PCDHGA6: variants seen among roughly 807,000 people sequenced by gnomAD.
PCDHGA6 encodes protocadherin gamma-A6.
A neutral mutation model predicts 60.6 loss-of-function variants in PCDHGA6; 41 were observed. The ratio of observed to expected loss-of-function variants is 0.68; its 90% CI spans 0.53 to 0.88. The LOEUF is 0.88. Ranked by LOEUF, PCDHGA6 falls within the 40% of genes least tolerant of loss-of-function variation. PCDHGA6 has a pLI of 0.00. For synonymous variants in PCDHGA6, 594 were observed against 524.4 expected, an observed-to-expected ratio of 1.13 and a Z score of -1.81; for missense variants, 1,312 against 1,203.0, an observed-to-expected ratio of 1.09 and a Z score of -1.34.
At position 141,390,019 on chromosome 5, in the gene PCDHGA6, G is replaced by A. The variant is rs1047341984; in HGVS notation, c.2424+13512G>A. The A allele has an allele frequency of 1.9e-6, 3 of 1,614,002 alleles. No individual in the cohort carries two copies. Among genetic ancestry groups the A allele is most frequent in the Non-Finnish European group, 2.5e-6 (3 of 1,179,896 alleles). Reference sequence around the variant, plus strand: ...GCCATGATTCTGGCCATTGCCTTGCGCCTGCGACGCTCCTCCAGCCCCGCC... The same window carrying A: ...GCCATGATTCTGGCCATTGCCTTGCACCTGCGACGCTCCTCCAGCCCCGCC... On this transcript the variant is annotated intron_variant, in intron 1 of 3. Transcript: ENST00000517434.
intron 1 of PCDHGA6, among the ~76,000 whole-genome samples, chr5:141,450,397 C>T (rs529143168): frequency 6.6e-6 from 1 of 152,300 alleles, no homozygotes; most frequent in South Asian, 2.1e-4. Flanking sequence ...TTTGTAAAGA[C>T]TAGAAGCCAT....
rs188874944 is a variant in PCDHGA6, at chr5:141,446,708, C to T, written c.2425-48099C>T. Among the ~76,000 whole-genome samples, 183 of 152,314 alleles carry T rather than the reference C, an allele frequency of 1.2e-3. 1 individual carries two copies. The highest frequency in any genetic ancestry group is 2.1e-3 in the Admixed American group (32 of 15,302). On this transcript the variant is annotated intron_variant, in intron 1 of 3. Coordinates refer to ENST00000517434, the MANE Select transcript of PCDHGA6 (RefSeq NM_018919.3). ...GGCCAGGCTGGTCTCGAACTCTGAT[C>T]TGCCCGCCTCGGCCTCCCAAAGTGT...
intron 1 of PCDHGA6, among the ~76,000 whole-genome samples, chr5:141,444,014 T>C (rs2098414038): frequency 6.6e-6 from 1 of 152,122 alleles, no homozygotes; most frequent in Admixed American, 6.6e-5. Flanking sequence ...GGGTATTGGC[T>C]TCTAAAAGGA....
chr5:141,439,455 C>T (rs62379163), intron 1 of PCDHGA6, among the ~76,000 whole-genome samples: 5,115 of 152,308 alleles, frequency 0.034, 100 homozygotes, highest in Middle Eastern at 0.088. Context: ...GGGAGCAAGA[C>T]TGCACTGCTG....
intron 1 of PCDHGA6, among the ~76,000 whole-genome samples, chr5:141,473,831 A>G (rs950283433): frequency 1.3e-5 from 2 of 152,252 alleles, no homozygotes; most frequent in African/African-American, 4.8e-5. Context: ...GTGTGATCCA[A>G]TTAAAATTTT....
Position 141,414,827 on chromosome 5 carries a change from C to T in PCDHGA6, c.2424+38320C>T, listed in dbSNP as rs1253521902. On this transcript the variant is annotated intron_variant, in intron 1 of 3. Coordinates refer to ENST00000517434, the MANE Select transcript of PCDHGA6 (RefSeq NM_018919.3). Reference sequence around the variant, plus strand: ...GATCCTCCACTCAGCAGCAACGTGTCGTTGAGCCTGTTTGTGCTGGACCAG... The same window carrying T: ...GATCCTCCACTCAGCAGCAACGTGTTGTTGAGCCTGTTTGTGCTGGACCAG... 1.9e-6 allele frequency: 3 copies of T among 1,614,116 alleles called. No individual in the cohort carries two copies. Among genetic ancestry groups the T allele is most frequent in the African/African-American group, 1.3e-5 (1 of 74,946 alleles).
Position 141,375,868 on chromosome 5 carries a change from C to G in PCDHGA6, c.1785C>G (p.Asp595Glu), listed in dbSNP as rs1259625295. The G allele has an allele frequency of 6.2e-7, 1 of 1,613,938 alleles. No individual in the cohort carries two copies. Residue 595 changes from aspartate (D) to glutamate (E), a missense_variant, in exon 1 of 4, where the codon GAC (aspartate) becomes GAG (glutamate). Transcript: ENST00000517434. Reference sequence around the variant, plus strand: ...TGGTGACCAAGGTGGTGGCGGTGGACAGAGACTCGGGCCAGAACGCCTGGC... The same window carrying G: ...TGGTGACCAAGGTGGTGGCGGTGGAGAGAGACTCGGGCCAGAACGCCTGGC... ...GYLVTKVVAVDRDSGQNAWLS... is the reference protein window; with the variant it reads ...GYLVTKVVAVERDSGQNAWLS...
Position 141,399,689 on chromosome 5 carries a change from T to C in PCDHGA6, c.2424+23182T>C, listed in dbSNP as rs199516491. 502 of 1,613,550 alleles carry C rather than the reference T, an allele frequency of 3.1e-4. 1 individual carries two copies. Among genetic ancestry groups the C allele is most frequent in the Non-Finnish European group, 3.8e-4 (448 of 1,179,874 alleles). On this transcript the variant is annotated intron_variant, in intron 1 of 3. Transcript: ENST00000517434. ...CAGCGCGCCTTTGACTACGAGCAGC[T>C]GCGCACCTTCGAACTCACACTACAG...
At chr5:141,414,334 AC>A (rs1187631098) in intron 1 of PCDHGA6, 2 of 1,613,782 alleles carry the variant, frequency 1.2e-6, no homozygotes, top group South Asian at 2.2e-5. Context: ...TGGACAGGTA[AC>A]CTGTTCCATT....
chr5:141,394,925 C>T (rs771405918), intron 1 of PCDHGA6: 9 of 1,613,696 alleles, frequency 5.6e-6, no homozygotes, highest in South Asian at 1.1e-5. Context: ...CCTGTGTCTT[C>T]CTCGCCTTTG....
intron 2 of PCDHGA6, 119 bp from the exon 3 acceptor site, chr5:141,505,274 C>T: frequency 6.6e-7 from 1 of 1,524,344 alleles, no homozygotes; most frequent in East Asian, 2.3e-5. Flanking sequence ...CTGAGAGAAA[C>T]AGGTCTTGGG....
At chr5:141,470,694 A>T (rs763715272) in intron 1 of PCDHGA6, among the ~76,000 whole-genome samples, 1 of 151,978 alleles carries the variant, frequency 6.6e-6, no homozygotes, top group African/African-American at 2.4e-5. Flanking sequence ...GAAATTCTTA[A>T]TAATTTTTAT....
chr5:141,404,705 G>A, intron 1 of PCDHGA6: 2 of 1,614,108 alleles, frequency 1.2e-6, no homozygotes, highest in South Asian at 2.2e-5. Flanking sequence ...TGCAGAGCCT[G>A]GCTACCTGGT....
chr5:141,403,201 C>G (rs1486888915), intron 1 of PCDHGA6: 1 of 1,614,002 alleles, frequency 6.2e-7, no homozygotes, highest in East Asian at 2.2e-5. Context: ...GCAGCGGCAC[C>G]TTGGTCACCG....
At chr5:141,388,824 T>G (rs760173455) in intron 1 of PCDHGA6, 1 of 1,613,960 alleles carries the variant, frequency 6.2e-7, no homozygotes, top group East Asian at 2.2e-5. Flanking sequence ...CAAAGAATAT[T>G]CCATAGTTTT....
chr5:141,427,671 A>T (rs1441504057), intron 1 of PCDHGA6: 1 of 798,486 alleles, frequency 1.3e-6, no homozygotes, highest in East Asian at 2.6e-5. Flanking sequence ...GGCCGAAAAC[A>T]ACCTTCCCGG....
intron 1 of PCDHGA6, chr5:141,402,906 C>T: frequency 1.3e-6 from 2 of 1,529,180 alleles, no homozygotes; most frequent in Non-Finnish European, 1.8e-6. Context: ...CCTGATGAAG[C>T]AGCGCGCACA....
intron 2 of PCDHGA6, among the ~76,000 whole-genome samples, chr5:141,503,432 TA>T (rs1423418926): frequency 6.6e-6 from 1 of 151,668 alleles, no homozygotes; most frequent in African/African-American, 2.4e-5. Flanking sequence ...CCATCTCTAC[TA>T]AAAATACAAA....
intron 1 of PCDHGA6, chr5:141,409,618 G>C: frequency 6.2e-7 from 1 of 1,613,894 alleles, no homozygotes; most frequent in Non-Finnish European, 8.5e-7. Context: ...CCTCCATTGC[G>C]CAAGTGAGCG....
Sources: gnomAD v4.1 joint callset for allele counts (sites outside exome capture counted in the v4.1 genomes callset) on GRCh38, gnomAD v4.1.1 for gene constraint, MANE v1.5 for transcripts, NCBI Gene and HGNC (gene_info 2026-07-23, HGNC 2026-07-21) for gene names.